RASA3: variants seen among roughly 807,000 people sequenced by gnomAD.
RASA3 encodes the protein ras GTPase-activating protein 3.
In RASA3, 73 loss-of-function variants were observed where a neutral mutation model predicts 110.0. The ratio of observed to expected loss-of-function variants is 0.66; its 90% CI spans 0.55 to 0.81. RASA3 has a LOEUF of 0.81. RASA3 is among the 30% of genes least tolerant of loss of function. The pLI is 0.00. For synonymous variants in RASA3, 500 were observed against 451.4 expected, an observed-to-expected ratio of 1.11 and a Z score of -1.37; for missense variants, 976 against 1,113.2, an observed-to-expected ratio of 0.88 and a Z score of 1.75.
intron 14 of RASA3, 107 bp from the exon 15 acceptor site, chr13:114,013,355 C>G: frequency 1.5e-6 from 1 of 686,526 alleles, no homozygotes; most frequent in Non-Finnish European, 2.5e-6. Flanking sequence ...AGCCACAGTC[C>G]TGGCTCTATC....
chr13:114,095,222 A>G (rs2079928098), intron 1 of RASA3, among the ~76,000 whole-genome samples: 1 of 152,206 alleles, frequency 6.6e-6, no homozygotes, highest in South Asian at 2.1e-4. Flanking sequence ...GGGGCTTTTC[A>G]GTAATTTTCT....
chr13:114,091,620 T>G (rs1266067689), intron 1 of RASA3, among the ~76,000 whole-genome samples: 1 of 151,628 alleles, frequency 6.6e-6, no homozygotes, highest in African/African-American at 2.4e-5. Flanking sequence ...GCTGGTGTCT[T>G]GCTGAGGACT....
intron 1 of RASA3, among the ~76,000 whole-genome samples, chr13:114,089,003 C>T (rs933408160): frequency 6.6e-6 from 1 of 152,062 alleles, no homozygotes; most frequent in Non-Finnish European, 1.5e-5. Context: ...ACCAGCACAG[C>T]GGTGCAGGGA....
intron 21 of RASA3, 97 bp downstream of exon 21, chr13:113,996,434 C>G: frequency 8.1e-7 from 1 of 1,238,084 alleles, no homozygotes; most frequent in Non-Finnish European, 1.1e-6. Flanking sequence ...GTGCAGCTTA[C>G]AGGCAGGCAT....
chr13:114,018,993 C>A (rs910636250), intron 9 of RASA3, 74 bp from the exon 10 acceptor site: 9 of 1,575,852 alleles, frequency 5.7e-6, no homozygotes, highest in African/African-American at 2.7e-5. Context: ...GGAAGCCCAG[C>A]TGCCTGCTTG....
chr13:114,000,534 G>A (rs987352844), intron 19 of RASA3, among the ~76,000 whole-genome samples: 6 of 152,210 alleles, frequency 3.9e-5, no homozygotes, highest in African/African-American at 1.4e-4. Context: ...GAGGCGACCA[G>A]AGGAGGAAGG....
Position 113,977,962 on chromosome 13 carries a change from C to T in RASA3, c.*1385G>A, listed in dbSNP as rs1392445832. On this transcript the variant is annotated 3_prime_UTR_variant, in exon 24 of 24. Coordinates refer to ENST00000334062, the MANE Select transcript of RASA3 (RefSeq NM_007368.4). ...ACATTTTCCTCCAGTATTTTTGTGA[C>T]AAGAAAGTTCCTATCTGCCATCTAG... 6.6e-6 allele frequency: 1 copy of T among 152,238 alleles called. No homozygotes were observed. Among genetic ancestry groups the T allele is most frequent in the East Asian group, 1.9e-4 (1 of 5,202 alleles). The allele number at this position is 152,238 out of a possible 1,614,324, so 9.4% of individuals were successfully genotyped here.
chr13:114,088,555 T>TTC (rs2079849113), intron 1 of RASA3, among the ~76,000 whole-genome samples: 1 of 148,088 alleles, frequency 6.8e-6, no homozygotes, highest in Admixed American at 6.7e-5. Context: ...CCCAAATTAA[T>TTC]TTTTTTTTTT....
At chr13:114,013,964 CTCTCT>C (rs2053728034) in intron 14 of RASA3, among the ~76,000 whole-genome samples, 1 of 150,588 alleles carries the variant, frequency 6.6e-6, no homozygotes, top group African/African-American at 2.5e-5. Flanking sequence ...CTCTCTCTCT[CTCTCT>C]CCGTCTCGAT....
intron 20 of RASA3, among the ~76,000 whole-genome samples, chr13:113,999,377 C>CG (rs1342081438): frequency 1.2e-3 from 181 of 152,236 alleles, no homozygotes; most frequent in African/African-American, 4.2e-3. Context: ...CCGGTGACCC[C>CG]GGGCACAGAG....
At chr13:114,019,679 G>T (rs2053875452) in intron 9 of RASA3, among the ~76,000 whole-genome samples, 1 of 150,536 alleles carries the variant, frequency 6.6e-6, no homozygotes, top group Non-Finnish European at 1.5e-5. Flanking sequence ...CCCTCAGATG[G>T]ATAGAGCCTG....
rs1177147855 is a variant in RASA3, at chr13:114,115,411, T to C, written c.55+17024A>G. Among the ~76,000 whole-genome samples, 3 of 152,198 alleles carry C rather than the reference T, an allele frequency of 2.0e-5. No individual in the cohort carries two copies. The highest frequency in any genetic ancestry group is 4.4e-5 in the Non-Finnish European group (3 of 68,030). On this transcript the variant is annotated intron_variant, in intron 1 of 23. Transcript: ENST00000334062. The surrounding 1 kb of genome is among the most constrained non-coding windows in gnomAD (Gnocchi z 5.0). ...CCACAAAACATAAGGCTTGGGTTAG[T>C]GTCGGGCACGCGGGGGAGGTGCCTG...
rs2079254789 is a variant in RASA3, at chr13:114,056,882, T to A, written c.174-4727A>T. ...CTGGGGAGCAAGACCTCCTCCAGCCTCCACCCAGGAATTTCTCCAGCAATG... is the reference window on the plus strand; with the variant it reads ...CTGGGGAGCAAGACCTCCTCCAGCCACCACCCAGGAATTTCTCCAGCAATG... On this transcript the variant is annotated intron_variant, in intron 2 of 23. Transcript: ENST00000334062. The surrounding 1 kb of genome is among the most constrained non-coding windows in gnomAD (Gnocchi z 5.7). Among the ~76,000 whole-genome samples, 1 of 152,126 alleles carries A rather than the reference T, an allele frequency of 6.6e-6. No individual in the cohort carries two copies. The highest frequency in any genetic ancestry group is 6.5e-5 in the Admixed American group (1 of 15,288).
Position 114,065,909 on chromosome 13 carries a change from GACTC to G in RASA3, c.173+7807_173+7810del, listed in dbSNP as rs2079440448. Among the ~76,000 whole-genome samples, 1 of 152,228 alleles carries G rather than the reference GACTC, an allele frequency of 6.6e-6. No homozygotes were observed. Among genetic ancestry groups the G allele is most frequent in the South Asian group, 2.1e-4 (1 of 4,836 alleles). On this transcript the variant is annotated intron_variant, in intron 2 of 23. Coordinates refer to ENST00000334062, the MANE Select transcript of RASA3 (RefSeq NM_007368.4). The surrounding 1 kb of genome is among the most constrained non-coding windows in gnomAD (Gnocchi z 4.1). ...TGTGAGTCTTCAAACGGAACCCAAA[GACTC>G]AGTGAGGAAAGCAGGCGGGCTGGGC...
chr13:114,117,062 ATG>A (rs1278784365), intron 1 of RASA3, among the ~76,000 whole-genome samples: 1 of 129,802 alleles, frequency 7.7e-6, no homozygotes, highest in Non-Finnish European at 1.6e-5. Flanking sequence ...TGAGGGGTGC[ATG>A]TGTGTGGGGG....
chr13:114,018,968 A>C (rs765761189), intron 9 of RASA3, 49 bp from the exon 10 acceptor site: 1 of 1,607,702 alleles, frequency 6.2e-7, no homozygotes, highest in Non-Finnish European at 8.5e-7. Context: ...GCATCTGCCA[A>C]GGAGCAGCTC....
At chr13:114,025,015 G>A (rs556566917) in intron 7 of RASA3, among the ~76,000 whole-genome samples, 2 of 151,550 alleles carry the variant, frequency 1.3e-5, no homozygotes, top group Non-Finnish European at 2.9e-5. Context: ...CGACCCACAG[G>A]CTCCAGGAGA....
intron 23 of RASA3, among the ~76,000 whole-genome samples, chr13:113,979,834 C>T (rs1437825778): frequency 1.3e-5 from 2 of 151,930 alleles, no homozygotes; most frequent in East Asian, 1.9e-4. Flanking sequence ...CTCCTCCCCA[C>T]ATGCACACCT....
intron 1 of RASA3, among the ~76,000 whole-genome samples, chr13:114,121,234 C>T (rs2080371132): frequency 1.3e-5 from 2 of 152,340 alleles, no homozygotes; most frequent in African/African-American, 2.4e-5. Context: ...GCGGGGCATT[C>T]GGACCCCCGT....
Sources: gnomAD v4.1 joint callset for allele counts (sites outside exome capture counted in the v4.1 genomes callset) on GRCh38, gnomAD v4.1.1 for gene constraint, Gnocchi (gnomAD v3.1) non-coding constraint, MANE v1.5 for transcripts, NCBI Gene and HGNC (gene_info 2026-07-23, HGNC 2026-07-21) for gene names.